The following CLDN2 variants were observed in gnomAD, a reference collection of about 807,000 sequenced individuals.
The protein encoded by CLDN2 is claudin 2.
A neutral mutation model predicts 8.2 loss-of-function variants in CLDN2; 1 was observed. The ratio of observed to expected loss-of-function variants is 0.12; its 90% confidence interval spans 0.04 to 0.58. The LOEUF is 0.58. CLDN2 is among the 20% of genes least tolerant of loss of function. The probability of loss-of-function intolerance (pLI) is 0.90; values close to 1 mark genes in which losing one functional copy is unlikely to be tolerated. For missense variants in CLDN2, 108 were observed against 172.9 expected, an observed-to-expected ratio of 0.62 and a Z score of 2.11; for synonymous variants, 70 against 70.2, an observed-to-expected ratio of 1.00 and a Z score of 0.01.
upstream of CLDN2, among the ~76,000 whole-genome samples, chrX:106,917,964 G>C (rs1933335468): frequency 9.0e-6 from 1 of 111,346 alleles, no homozygotes; most frequent in South Asian, 3.8e-4. Flanking sequence ...GATTCCACCA[G>C]GATCTGACAA....
At chrX:106,913,004 G>C (rs7880561) in intron 1 of CLDN2, among the ~76,000 whole-genome samples, 1 of 111,344 alleles carries the variant, frequency 9.0e-6, no homozygotes, top group Admixed American at 9.5e-5. Flanking sequence ...GCAATGGGAA[G>C]ATCTGCATAA....
chrX:106,901,700 C>T (rs1254236907), intron 1 of CLDN2, among the ~76,000 whole-genome samples: 1 of 111,719 alleles, frequency 9.0e-6, no homozygotes. Flanking sequence ...CAAGGGGTCT[C>T]TCTTGGTTCT....
intron 1 of CLDN2, among the ~76,000 whole-genome samples, chrX:106,921,661 G>T (rs1933393930): frequency 8.9e-6 from 1 of 112,146 alleles, no homozygotes; most frequent in Admixed American, 9.4e-5. Context: ...GAGAATAGCA[G>T]GGAAAGTACC....
upstream of CLDN2, among the ~76,000 whole-genome samples, chrX:106,913,686 G>T (rs980944901): frequency 9.0e-6 from 1 of 111,209 alleles, no homozygotes; most frequent in African/African-American, 3.3e-5. Context: ...AGATGAAGTG[G>T]TTAGCTGAGC....
upstream of CLDN2, among the ~76,000 whole-genome samples, chrX:106,919,715 C>A (rs180698305): frequency 0.012 from 1,346 of 112,497 alleles, 19 homozygotes; most frequent in African/African-American, 0.041. Flanking sequence ...AACTCCTGAC[C>A]TCAGGTGATC....
chrX:106,927,301 T>C (rs1024988549), intron 1 of CLDN2, among the ~76,000 whole-genome samples: 4 of 111,168 alleles, frequency 3.6e-5, no homozygotes, highest in African/African-American at 1.3e-4. Flanking sequence ...TGGCAGACTC[T>C]TGTCCCCCCT....
chrX:106,906,835 C>T (rs1230316433), intron 1 of CLDN2, among the ~76,000 whole-genome samples: 1 of 111,773 alleles, frequency 8.9e-6, no homozygotes, highest in Non-Finnish European at 1.9e-5. Flanking sequence ...TATAAAATGC[C>T]TGTCTCTGTT....
chrX:106,928,583 G>A lies in CLDN2; in HGVS notation c.355G>A (p.Val119Ile). ...QESRAKDRVA[V>I]AGGVFFILGG... Reference sequence around the variant, plus strand: ...ATCCCGAGCCAAAGACAGAGTGGCGGTAGCAGGTGGAGTCTTTTTCATCCT... The same window carrying A: ...ATCCCGAGCCAAAGACAGAGTGGCGATAGCAGGTGGAGTCTTTTTCATCCT... Residue 119 changes from valine to isoleucine, a missense_variant, in exon 2 of 2, where the codon GTA (valine) becomes ATA (isoleucine). Physicochemically the swap from Val to Ile is conservative, Grantham distance 29. Coordinates refer to ENST00000336803, the MANE Select transcript of CLDN2 (RefSeq NM_020384.4). The A allele has an allele frequency of 3.3e-6, 4 of 1,211,572 alleles. No individual in the cohort carries two copies. The highest frequency in any genetic ancestry group is 4.5e-6 in the Non-Finnish European group (4 of 895,361).
At chrX:106,908,378 A>G (rs1404746001) in intron 1 of CLDN2, among the ~76,000 whole-genome samples, 1 of 110,843 alleles carries the variant, frequency 9.0e-6, no homozygotes, top group Non-Finnish European at 1.9e-5. Context: ...TTGACATCTG[A>G]GCTCAGCCTG....
chrX:106,919,408 C>G (rs185441883), upstream of CLDN2, among the ~76,000 whole-genome samples: 93 of 111,594 alleles, frequency 8.3e-4, no homozygotes, highest in East Asian at 0.011. Flanking sequence ...TCACTGCGCT[C>G]TACTACTCCA....
At chrX:106,918,490 G>C (rs1473583756), upstream of CLDN2, 1 of 112,466 alleles carries the variant, frequency 8.9e-6, no homozygotes, top group Non-Finnish European at 1.9e-5. Context: ...GCCGCCTTGG[G>C]AAGGAGGATG....
At position 106,929,152 on chromosome X, in the gene CLDN2, C is replaced by T. The variant is rs1043537300; in HGVS notation, c.*231C>T. The T allele has an allele frequency of 5.9e-5, 25 of 425,924 alleles. No homozygotes were observed. The Admixed American group carries it at 1.0e-3, about 17-fold the overall frequency. The allele number at this position is 425,924 out of a possible 1,213,427, so 35.1% of individuals were successfully genotyped here. A position where few individuals can be genotyped will look rare whatever the true frequency, so the allele number is the denominator to read the frequency against. On this transcript the variant is annotated 3_prime_UTR_variant, in exon 2 of 2. Coordinates refer to ENST00000336803, the MANE Select transcript of CLDN2 (RefSeq NM_020384.4). ...ATGCCAGCCTTTCTGTTTTCCTCACCTTGCTGCTCCCCTGCCCTAAGTCCC... is the reference window on the plus strand; with the variant it reads ...ATGCCAGCCTTTCTGTTTTCCTCACTTTGCTGCTCCCCTGCCCTAAGTCCC...
At chrX:106,915,008 T>C (rs1933294506), upstream of CLDN2, among the ~76,000 whole-genome samples, 1 of 111,940 alleles carries the variant, frequency 8.9e-6, no homozygotes, top group Non-Finnish European at 1.9e-5. Flanking sequence ...GCCACTCCAT[T>C]GTAGTAAACC....
chrX:106,923,939 G>C (rs1461120444), intron 1 of CLDN2, among the ~76,000 whole-genome samples: 1 of 111,579 alleles, frequency 9.0e-6, no homozygotes, highest in African/African-American at 3.3e-5. Context: ...TAGACTTAAA[G>C]AGTGAGCAGA....
chrX:106,900,470 G>A (rs952080520), exon 1 of CLDN2: 21 of 283,783 alleles, frequency 7.4e-5, no homozygotes, highest in Middle Eastern at 1.0e-3. Flanking sequence ...CCCAGACAAT[G>A]AGATGCAAGA....
chrX:106,927,247 C>T (rs1933482342), intron 1 of CLDN2, among the ~76,000 whole-genome samples: 1 of 110,957 alleles, frequency 9.0e-6, no homozygotes, highest in Admixed American at 9.6e-5. Flanking sequence ...AGATACCTGC[C>T]TCATGCAAAG....
rs150283755 is a variant in CLDN2 at position 106,926,254 on chromosome X, G to A, written c.-178-1797G>A. Among the ~76,000 whole-genome samples, 326 of 111,653 alleles carry A rather than the reference G, an allele frequency of 2.9e-3. 2 individuals are homozygous for A. Among genetic ancestry groups the A allele is most frequent in the African/African-American group, 9.9e-3 (305 of 30,674 alleles). The stretch of plus-strand genomic sequence containing the variant: ...AGAACTGTTTGGGGAAAGCTGCATG[G>A]GGGATGTGATGAGTTCACTTTTGGA... On this transcript the variant is annotated intron_variant, in intron 1 of 1. Transcript: ENST00000336803.
chrX:106,910,963 T>C (rs771106874), intron 1 of CLDN2, among the ~76,000 whole-genome samples: 1 of 112,276 alleles, frequency 8.9e-6, no homozygotes, highest in Admixed American at 9.4e-5. Context: ...AAAGAAATAG[T>C]GCATGGATTT....
intron 1 of CLDN2, chrX:106,902,198 C>T: frequency 8.4e-7 from 1 of 1,184,861 alleles, no homozygotes; most frequent in African/African-American, 1.8e-5. Context: ...CAGCCAGGGC[C>T]TCCAGAGACA....
Sources: gnomAD v4.1 joint callset for allele counts (sites outside exome capture counted in the v4.1 genomes callset) on GRCh38, gnomAD v4.1.1 for gene constraint, MANE v1.5 for transcripts, NCBI Gene and HGNC (gene_info 2026-07-23, HGNC 2026-07-21) for gene names.